CSDE1: variants seen among roughly 807,000 people sequenced by gnomAD.
CSDE1 encodes the protein cold shock domain containing E1, also known as cold shock domain-containing protein E1.
Under a neutral mutation model 89.3 loss-of-function variants are expected in CSDE1, and 17 were observed. The ratio of observed to expected loss-of-function variants is 0.19; its 90% CI spans 0.13 to 0.29. CSDE1 has a LOEUF of 0.29. Among genes scored for constraint, CSDE1 ranks in the 10% least tolerant of loss-of-function variants. The pLI is 1.00. For synonymous variants in CSDE1, 322 were observed against 332.8 expected (o/e 0.97, Z 0.35); for missense variants, 672 against 984.2 (o/e 0.68, Z 4.24).
chr1:114,757,264 C>T (rs368451123), intron 1 of CSDE1, among the ~76,000 whole-genome samples: 64 of 152,266 alleles, frequency 4.2e-4, no homozygotes, highest in African/African-American at 1.2e-3. Context: ...CACTACTGTG[C>T]CAGATGTGGC....
intron 1 of CSDE1, among the ~76,000 whole-genome samples, 189 bp from the exon 2 acceptor site, chr1:114,750,396 T>C (rs1275498950): frequency 1.3e-5 from 2 of 152,214 alleles, no homozygotes; most frequent in East Asian, 3.8e-4. Flanking sequence ...CTACCTCCTT[T>C]GGTATCTCAT....
intron 2 of CSDE1, among the ~76,000 whole-genome samples, chr1:114,744,909 C>T (rs1660933198): frequency 6.6e-6 from 1 of 152,048 alleles, no homozygotes; most frequent in African/African-American, 2.4e-5. Context: ...AGAGCAGGCA[C>T]TCATATGTTG....
At chr1:114,742,269 T>C (rs1332687674) in intron 2 of CSDE1, among the ~76,000 whole-genome samples, 3 of 152,148 alleles carry the variant, frequency 2.0e-5, no homozygotes, top group African/African-American at 7.2e-5. Flanking sequence ...AATTTAGTTA[T>C]CTAGTGTAAC....
intron 7 of CSDE1, 36 bp from the exon 8 acceptor site, chr1:114,734,153 ACT>A (rs532438473): frequency 1.2e-5 from 19 of 1,587,388 alleles, no homozygotes; most frequent in Non-Finnish European, 1.5e-5. Context: ...CATTATTACC[ACT>A]CTGTACAAAT....
Position 114,736,748 on chromosome 1 carries a change from A to G in CSDE1, c.500+10T>C. Reference sequence around the variant, plus strand: ...GCTTAGGTGAGAAAATTTAAAAAAAAAGAACTTACTGTTTATTGTTATCAA... The same window carrying G: ...GCTTAGGTGAGAAAATTTAAAAAAAGAGAACTTACTGTTTATTGTTATCAA... On this transcript the variant is annotated intron_variant, in intron 6 of 19. Coordinates refer to ENST00000358528, the MANE Select transcript of CSDE1 (RefSeq NM_001007553.3). 1.3e-6 allele frequency: 2 copies of G among 1,578,918 alleles called. No homozygotes were observed. The highest frequency in any genetic ancestry group is 4.5e-5 in the East Asian group (2 of 44,680).
chr1:114,744,497 A>G (rs1660907055), intron 2 of CSDE1, among the ~76,000 whole-genome samples: 2 of 152,072 alleles, frequency 1.3e-5, no homozygotes, highest in African/African-American at 4.8e-5. Flanking sequence ...GAGGTTCACC[A>G]GAGCCTGGGA....
intron 3 of CSDE1, among the ~76,000 whole-genome samples, chr1:114,738,630 T>G (rs1414220514): frequency 3.3e-5 from 5 of 151,056 alleles, no homozygotes; most frequent in Non-Finnish European, 5.9e-5. Flanking sequence ...ATTTCAGTCC[T>G]TTAGTAAGCC....
In CSDE1 at chr1:114,720,655, G is replaced by C; in HGVS notation, c.1936C>G (p.Leu646Val). 6.2e-7 allele frequency: 1 copy of C among 1,614,148 alleles called. No individual in the cohort carries two copies. The highest frequency in any genetic ancestry group is 1.1e-5 in the South Asian group (1 of 91,082). Reference protein sequence around the residue: ...IVGMANKGDCLQKGESVKFQL... With the variant: ...IVGMANKGDCVQKGESVKFQL... ...AACTTGACGCTCTCCCCTTTCTGCAGGCAATCCCCTTTGTTGGCCATCCCA... is the reference window on the plus strand; with the variant it reads ...AACTTGACGCTCTCCCCTTTCTGCACGCAATCCCCTTTGTTGGCCATCCCA... Residue 646 changes from leucine (L) to valine (V), a missense_variant, in exon 17 of 20, where the codon CTG becomes GTG. Coordinates refer to ENST00000358528, the MANE Select transcript of CSDE1 (RefSeq NM_001007553.3).
chr1:114,748,838 C>T (rs1379093803), intron 2 of CSDE1, among the ~76,000 whole-genome samples: 4 of 152,166 alleles, frequency 2.6e-5, no homozygotes, highest in Admixed American at 6.5e-5. Context: ...TAAAGGTACA[C>T]TTCTGAATAT....
At chr1:114,721,352 G>A (rs1365824459) in intron 16 of CSDE1, among the ~76,000 whole-genome samples, 25 of 152,188 alleles carry the variant, frequency 1.6e-4, no homozygotes, top group Non-Finnish European at 5.9e-5. Flanking sequence ...ACAAATGGTT[G>A]TGGCTGTGAT....
At chr1:114,728,542 A>C (rs1659923936) in intron 12 of CSDE1, among the ~76,000 whole-genome samples, 1 of 152,210 alleles carries the variant, frequency 6.6e-6, no homozygotes, top group Non-Finnish European at 1.5e-5. Flanking sequence ...AGAAAAAAAA[A>C]CAAAAAATGG....
chr1:114,742,490 G>A (rs560689986), intron 2 of CSDE1, among the ~76,000 whole-genome samples: 5 of 152,308 alleles, frequency 3.3e-5, no homozygotes, highest in African/African-American at 1.2e-4. Flanking sequence ...GGGGAGGCAT[G>A]AGAATTGCTT....
chr1:114,749,735 GAACA>G (rs1350891858), intron 2 of CSDE1, 82 bp downstream of exon 2: 1 of 152,488 alleles, frequency 6.6e-6, no homozygotes, highest in East Asian at 1.9e-4. Flanking sequence ...CTTTAGAAAA[GAACA>G]AATAAAGATT....
At chr1:114,720,438 G>T in intron 17 of CSDE1, 101 bp downstream of exon 17, 1 of 1,136,072 alleles carries the variant, frequency 8.8e-7, no homozygotes, top group Non-Finnish European at 1.2e-6. Flanking sequence ...ATAAAAAAAC[G>T]AATGAATGTT....
At chr1:114,755,588 T>TA (rs766597551) in intron 1 of CSDE1, among the ~76,000 whole-genome samples, 121 of 152,340 alleles carry the variant, frequency 7.9e-4, no homozygotes, top group Non-Finnish European at 1.4e-3. Flanking sequence ...AAGGACTTTT[T>TA]AAAATCCTGA....
intron 8 of CSDE1, 28 bp downstream of exon 8, chr1:114,733,961 C>T: frequency 6.2e-7 from 1 of 1,606,394 alleles, no homozygotes; most frequent in Non-Finnish European, 8.5e-7. Context: ...CTTAAAAGGC[C>T]AAAGATCAAG....
chr1:114,726,869 A>T, intron 13 of CSDE1, 114 bp downstream of exon 13: 1 of 653,124 alleles, frequency 1.5e-6, no homozygotes, highest in Non-Finnish European at 2.6e-6. Context: ...TATTTCTCTT[A>T]AACACAAAAT....
chr1:114,720,689 A>G lies in CSDE1; in HGVS notation c.1902T>C (p.Phe634=). 6.2e-7 allele frequency: 1 copy of G among 1,614,218 alleles called. No individual in the cohort carries two copies. Among genetic ancestry groups the G allele is most frequent in the Middle Eastern group, 1.6e-4 (1 of 6,062 alleles). Residue 634 remains phenylalanine, a synonymous_variant, in exon 17 of 20, where the codon TTT becomes TTC. Transcript: ENST00000358528. ...EGDMKGEVYP[F]GIVGMANKGD... ...CTTTGTTGGCCATCCCAACGATGCC[A>G]AATGGATAGACCTCACCTTTCATAT... is the stretch of plus-strand genomic sequence containing the variant.
At chr1:114,745,687 AAAGTT>A (rs1171689691) in intron 2 of CSDE1, among the ~76,000 whole-genome samples, 1 of 152,244 alleles carries the variant, frequency 6.6e-6, no homozygotes, top group Non-Finnish European at 1.5e-5. Context: ...CCAGCCTCAT[AAAGTT>A]TAGACCTTCT....
Sources: gnomAD v4.1 joint callset for allele counts (sites outside exome capture counted in the v4.1 genomes callset) on GRCh38, gnomAD v4.1.1 for gene constraint, MANE v1.5 for transcripts, NCBI Gene and HGNC (gene_info 2026-07-23, HGNC 2026-07-21) for gene names.